FAM193A: variants seen among roughly 807,000 people sequenced by gnomAD.
The protein encoded by FAM193A is protein FAM193A.
In FAM193A, 22 loss-of-function variants were observed where a neutral mutation model predicts 126.5. The observed-to-expected ratio is 0.17, with a 90% CI of 0.12 to 0.25. FAM193A has a LOEUF of 0.25. Among genes scored for constraint, FAM193A ranks in the 10% least tolerant of loss-of-function variants. FAM193A has a pLI of 1.00. For missense variants in FAM193A, 1,675 were observed against 1,672.8 expected (o/e 1.00, Z -0.02); for synonymous variants, 761 against 646.8 (o/e 1.18, Z -2.68).
intron 13 of FAM193A, among the ~76,000 whole-genome samples, chr4:2,684,887 G>C (rs573827583): frequency 6.6e-6 from 1 of 152,184 alleles, no homozygotes; most frequent in Non-Finnish European, 1.5e-5. Context: ...CCCAGACCAG[G>C]GGGGAAGAAC....
intron 6 of FAM193A, among the ~76,000 whole-genome samples, chr4:2,642,660 C>A (rs1334551622): frequency 6.6e-6 from 1 of 151,874 alleles, no homozygotes; most frequent in Non-Finnish European, 1.5e-5. Flanking sequence ...TACTGGTAAG[C>A]CAGTGAGTTC....
At chr4:2,623,752 G>C (rs188081696) in intron 2 of FAM193A, among the ~76,000 whole-genome samples, 1 of 152,220 alleles carries the variant, frequency 6.6e-6, no homozygotes, top group African/African-American at 2.4e-5. Flanking sequence ...ATGCTTGACT[G>C]GGGGAGGGGT....
intron 18 of FAM193A, among the ~76,000 whole-genome samples, chr4:2,699,307 G>A (rs1313046681): frequency 1.3e-5 from 2 of 152,038 alleles, no homozygotes; most frequent in South Asian, 2.1e-4. Context: ...TCGGCCAGGC[G>A]GCATGATGCC....
At chr4:2,536,611 C>T (rs1445820099), upstream of FAM193A, 2 of 150,602 alleles carry the variant, frequency 1.3e-5, no homozygotes, top group Non-Finnish European at 3.0e-5. Context: ...CTCCCCCTCC[C>T]CGCTGCTCCT....
chr4:2,651,159 C>T (rs1350658421), intron 7 of FAM193A, among the ~76,000 whole-genome samples: 24 of 152,122 alleles, frequency 1.6e-4, no homozygotes, highest in African/African-American at 5.3e-4. Flanking sequence ...GGAGAAACCC[C>T]GTCTCTACTA....
At chr4:2,594,914 C>T (rs1740775376) in intron 1 of FAM193A, among the ~76,000 whole-genome samples, 1 of 147,530 alleles carries the variant, frequency 6.8e-6, no homozygotes, top group African/African-American at 2.5e-5. Flanking sequence ...CTGCAACCTC[C>T]ACCTTCCAGG....
intron 13 of FAM193A, among the ~76,000 whole-genome samples, chr4:2,678,038 AC>A (rs1234765180): frequency 1.4e-4 from 21 of 152,150 alleles, no homozygotes; most frequent in African/African-American, 3.9e-4. Flanking sequence ...TCCCTCTGTT[AC>A]CCAGGCTGGA....
intron 13 of FAM193A, among the ~76,000 whole-genome samples, chr4:2,674,119 C>G (rs979044686): frequency 6.6e-6 from 1 of 152,182 alleles, no homozygotes; most frequent in Non-Finnish European, 1.5e-5. Flanking sequence ...TTCACTGATT[C>G]ATTTAAAATA....
rs1260933431 is a variant in FAM193A, at chr4:2,700,489, G to T, written c.4317G>T (p.Lys1439Asn). ...KLVLAESPQP[K>N]GKNKKNKKKK... ...TGCTGGCAGAGTCCCCTCAGCCAAA[G>T]GGCAAGAACAAGAAAAATAAGAAGA... is the stretch of plus-strand genomic sequence containing the variant. Residue 1439 changes from lysine to asparagine, a missense_variant, in exon 19 of 21, where the codon AAG (lysine) becomes AAT (asparagine). By Grantham distance (94) the Lys-to-Asn change is moderately conservative (BLOSUM62 0). This residue lies in a region of FAM193A where 415 missense variants were observed against 396.7 expected (regional missense o/e 1.05). Coordinates refer to ENST00000637812, the MANE Select transcript of FAM193A (RefSeq NM_001366318.2). 3 of 1,613,574 alleles carry T rather than the reference G, an allele frequency of 1.9e-6. No homozygotes were observed. Among genetic ancestry groups the T allele is most frequent in the Non-Finnish European group, 2.5e-6 (3 of 1,179,906 alleles).
At chr4:2,542,683 T>TG (rs1406683492) in intron 1 of FAM193A, among the ~76,000 whole-genome samples, 1 of 151,494 alleles carries the variant, frequency 6.6e-6, no homozygotes, top group Non-Finnish European at 1.5e-5. Context: ...AAACAGTGAG[T>TG]GGTTTCTGGC....
At chr4:2,547,316 C>T (rs1737623419) in intron 1 of FAM193A, among the ~76,000 whole-genome samples, 1 of 152,112 alleles carries the variant, frequency 6.6e-6, no homozygotes, top group South Asian at 2.1e-4. Flanking sequence ...TTGCTTGAAC[C>T]TGGGAGGTGA....
intron 14 of FAM193A, 113 bp downstream of exon 14, chr4:2,689,817 A>G: frequency 2.9e-6 from 2 of 699,954 alleles, no homozygotes; most frequent in Non-Finnish European, 4.7e-6. Flanking sequence ...CTGCTGCTCC[A>G]CCACCTCTGT....
chr4:2,631,474 G>A (rs1743579876), intron 5 of FAM193A, among the ~76,000 whole-genome samples: 1 of 152,200 alleles, frequency 6.6e-6, no homozygotes, highest in African/African-American at 2.4e-5. Flanking sequence ...ACTGATGTGT[G>A]CCTTTATAAG....
intron 1 of FAM193A, among the ~76,000 whole-genome samples, chr4:2,593,887 C>T (rs190402118): frequency 1.2e-4 from 18 of 146,014 alleles, no homozygotes; most frequent in East Asian, 4.0e-4. Context: ...TTTTAATTGT[C>T]GTCATTTAGG....
intron 13 of FAM193A, among the ~76,000 whole-genome samples, chr4:2,682,075 C>T (rs1715208043): frequency 6.7e-6 from 1 of 150,076 alleles, no homozygotes; most frequent in African/African-American, 2.5e-5. Flanking sequence ...AGCTCCACCT[C>T]CTGAGTTCAC....
At chr4:2,726,168 G>A (rs1362434271) in intron 20 of FAM193A, among the ~76,000 whole-genome samples, 1 of 152,248 alleles carries the variant, frequency 6.6e-6, no homozygotes. Flanking sequence ...CAAAGTACTG[G>A]GATTACAGGC....
chr4:2,636,538 T>A (rs1352040616), intron 5 of FAM193A, among the ~76,000 whole-genome samples: 1 of 152,186 alleles, frequency 6.6e-6, no homozygotes, highest in Non-Finnish European at 1.5e-5. Context: ...ATGAATGGAT[T>A]CTCTACTTAT....
At chr4:2,576,959 A>G (rs1739622817) in intron 1 of FAM193A, among the ~76,000 whole-genome samples, 1 of 152,248 alleles carries the variant, frequency 6.6e-6, no homozygotes, top group Non-Finnish European at 1.5e-5. Context: ...GTTTAGAGCC[A>G]GTAATTGCTG....
intron 13 of FAM193A, among the ~76,000 whole-genome samples, chr4:2,688,881 C>A (rs1716048746): frequency 6.6e-6 from 1 of 152,236 alleles, no homozygotes; most frequent in African/African-American, 2.4e-5. Flanking sequence ...GCTAGTGGCT[C>A]AATAAATGCA....
Sources: gnomAD v4.1 joint callset for allele counts (sites outside exome capture counted in the v4.1 genomes callset) on GRCh38, gnomAD v4.1.1 for gene constraint, gnomAD v4.1.1 regional missense constraint, MANE v1.5 for transcripts, NCBI Gene and HGNC (gene_info 2026-07-23, HGNC 2026-07-21) for gene names.